IL1RAPL1: variants seen among roughly 807,000 people sequenced by gnomAD.
IL1RAPL1 encodes the protein interleukin-1 receptor accessory protein-like 1.
Under a neutral mutation model 48.4 loss-of-function variants are expected in IL1RAPL1, and 3 were observed. The observed-to-expected ratio is 0.06, with a 90% CI of 0.03 to 0.16. IL1RAPL1 has a LOEUF of 0.16. IL1RAPL1 is among the 10% of genes least tolerant of loss of function. The pLI, the probability that IL1RAPL1 is intolerant of heterozygous loss-of-function variation, is 1.00. For missense variants in IL1RAPL1, 349 were observed against 530.6 expected (o/e 0.66, Z 3.36); for synonymous variants, 185 against 187.7 (o/e 0.99, Z 0.12).
chrX:29,271,256 G>C (rs1055577718), intron 2 of IL1RAPL1, among the ~76,000 whole-genome samples: 1 of 111,895 alleles, frequency 8.9e-6, no homozygotes, highest in African/African-American at 3.2e-5. Context: ...TCTTTATCCA[G>C]TCTACCATTG....
rs771534127 is a variant in IL1RAPL1 at position 28,776,518 on chromosome X, A to T, written c.-24-12802A>T. Reference sequence around the variant, plus strand: ...ACTTAGAATTTCAGTCCATGCAGAGACTTTGCAAGCCCACAGTTTCCAGAG... The same window carrying T: ...ACTTAGAATTTCAGTCCATGCAGAGTCTTTGCAAGCCCACAGTTTCCAGAG... On this transcript the variant is annotated intron_variant, in intron 1 of 10. Coordinates refer to ENST00000378993, the MANE Select transcript of IL1RAPL1 (RefSeq NM_014271.4). Among the ~76,000 whole-genome samples the T allele has an allele frequency of 2.0e-3, 222 of 112,103 alleles. 3 individuals carry two copies. The highest frequency in any genetic ancestry group is 6.4e-3 in the African/African-American group (199 of 30,930).
In IL1RAPL1 at chrX:29,490,573, C is replaced by T. The variant is rs759054981; in HGVS notation, c.703+91265C>T. ...AAGATAATTTGACAAAAATGGAAGT[C>T]GCTCACCAAATACTTTGAATAATGT... On this transcript the variant is annotated intron_variant, in intron 5 of 10. Transcript: ENST00000378993. 2.7e-5 allele frequency among the ~76,000 whole-genome samples: 3 copies of T among 111,155 alleles called. No homozygotes were observed. The South Asian group carries it at 1.1e-3, about 42-fold the overall frequency.
At chrX:29,241,980 C>T (rs1207995712) in intron 2 of IL1RAPL1, among the ~76,000 whole-genome samples, 1 of 111,635 alleles carries the variant, frequency 9.0e-6, no homozygotes, top group African/African-American at 3.3e-5. Context: ...CCAACACCCA[C>T]ATTTAACTGA....
At chrX:29,430,632 A>G (rs1043898908) in intron 5 of IL1RAPL1, among the ~76,000 whole-genome samples, 8 of 109,626 alleles carry the variant, frequency 7.3e-5, no homozygotes, top group Non-Finnish European at 5.7e-5. Flanking sequence ...TATGTTATGT[A>G]TATAAGGTTG....
intron 6 of IL1RAPL1, among the ~76,000 whole-genome samples, chrX:29,743,225 A>T (rs779223758): frequency 2.7e-4 from 29 of 107,782 alleles, no homozygotes; most frequent in Middle Eastern, 4.7e-3. Flanking sequence ...TCTTATAATT[A>T]AAATTTTTAC....
At chrX:28,987,206 C>G (rs1305684494) in intron 2 of IL1RAPL1, among the ~76,000 whole-genome samples, 1 of 112,097 alleles carries the variant, frequency 8.9e-6, no homozygotes, top group Non-Finnish European at 1.9e-5. Flanking sequence ...ACAGCAAAGT[C>G]AATTTAACAG....
intron 1 of IL1RAPL1, among the ~76,000 whole-genome samples, chrX:28,682,482 T>A (rs1935073057): frequency 9.0e-6 from 1 of 110,634 alleles, no homozygotes; most frequent in Non-Finnish European, 1.9e-5. Context: ...CTAATTTTTT[T>A]ATATTTTTGG....
At chrX:28,618,852 T>A (rs1273756539) in intron 1 of IL1RAPL1, among the ~76,000 whole-genome samples, 3 of 111,599 alleles carry the variant, frequency 2.7e-5, no homozygotes, top group Non-Finnish European at 5.6e-5. Context: ...CTGAAGATAG[T>A]TTGAGATAAT....
chrX:29,009,167 A>C (rs915384246), intron 2 of IL1RAPL1, among the ~76,000 whole-genome samples: 4 of 111,846 alleles, frequency 3.6e-5, no homozygotes, highest in Non-Finnish European at 7.5e-5. Context: ...AGACAAAAAG[A>C]TGGGAACAAT....
At chrX:28,693,337 C>A (rs1010565933) in intron 1 of IL1RAPL1, among the ~76,000 whole-genome samples, 1 of 112,372 alleles carries the variant, frequency 8.9e-6, no homozygotes, top group Non-Finnish European at 1.9e-5. Context: ...CTTCACAAGG[C>A]AGCTCTGCCA....
chrX:29,429,316 C>T (rs1308110817), intron 5 of IL1RAPL1, among the ~76,000 whole-genome samples: 1 of 111,968 alleles, frequency 8.9e-6, no homozygotes, highest in African/African-American at 3.2e-5. Context: ...TTATATTAGG[C>T]CCCGAATTAA....
In IL1RAPL1 at chrX:28,730,489, T is replaced by C. The variant is rs1301263434; in HGVS notation, c.-24-58831T>C. 2.7e-5 allele frequency among the ~76,000 whole-genome samples: 3 copies of C among 111,844 alleles called. No homozygotes were observed. The Admixed American group carries it at 2.9e-4, about 11-fold the overall frequency. Reference sequence around the variant, plus strand: ...AAAATTATCTAACATAGAATGAACATATTTATTCAATAAATGTATGCTGAA... The same window carrying C: ...AAAATTATCTAACATAGAATGAACACATTTATTCAATAAATGTATGCTGAA... On this transcript the variant is annotated intron_variant, in intron 1 of 10. Coordinates refer to ENST00000378993, the MANE Select transcript of IL1RAPL1 (RefSeq NM_014271.4).
chrX:29,357,089 T>C lies in IL1RAPL1; in HGVS notation c.363-39169T>C, dbSNP rs953232328. Among the ~76,000 whole-genome samples, 13 of 112,427 alleles carry C rather than the reference T, an allele frequency of 1.2e-4. No individual in the cohort carries two copies. In the Admixed American group the frequency reaches 1.2e-3, roughly 11 times the overall value. On this transcript the variant is annotated intron_variant, in intron 3 of 10. Coordinates refer to ENST00000378993, the MANE Select transcript of IL1RAPL1 (RefSeq NM_014271.4). ...AATTTGCTAGTTATGGTGTATGTAT[T>C]GTAAAATAATAAACTTATTTCCTTA...
At chrX:29,786,704 T>G (rs1339311141) in intron 6 of IL1RAPL1, among the ~76,000 whole-genome samples, 1 of 111,592 alleles carries the variant, frequency 9.0e-6, no homozygotes, top group Admixed American at 9.6e-5. Flanking sequence ...AGGGAGTTAT[T>G]GCAATGTGCT....
intron 2 of IL1RAPL1, among the ~76,000 whole-genome samples, chrX:29,153,997 C>T (rs190687866): frequency 1.7e-3 from 186 of 112,050 alleles, no homozygotes; most frequent in African/African-American, 5.7e-3. Flanking sequence ...GCTTTTCTTG[C>T]GAAGTGGCTG....
chrX:29,310,512 T>A (rs1454059250), intron 3 of IL1RAPL1, among the ~76,000 whole-genome samples: 1 of 111,415 alleles, frequency 9.0e-6, no homozygotes, highest in South Asian at 3.8e-4. Flanking sequence ...ATAGAAATAA[T>A]TGTCTTTGGA....
chrX:28,730,936 T>G (rs1935747301), intron 1 of IL1RAPL1, among the ~76,000 whole-genome samples: 1 of 111,788 alleles, frequency 8.9e-6, no homozygotes, highest in Non-Finnish European at 1.9e-5. Flanking sequence ...TAAGTGTAAT[T>G]GATCTTAGGG....
chrX:28,883,864 A>G (rs1207813353), intron 2 of IL1RAPL1, among the ~76,000 whole-genome samples: 1 of 112,282 alleles, frequency 8.9e-6, no homozygotes, highest in East Asian at 2.8e-4. Context: ...TGCTTTTCAA[A>G]TGATAATTCT....
intron 5 of IL1RAPL1, among the ~76,000 whole-genome samples, chrX:29,439,989 A>C (rs1934527782): frequency 5.5e-5 from 1 of 18,238 alleles, no homozygotes; most frequent in Non-Finnish European, 8.9e-5. Context: ...TCAATTTGAC[A>C]CGTGTGTGTG....
Sources: gnomAD v4.1 joint callset for allele counts (sites outside exome capture counted in the v4.1 genomes callset) on GRCh38, gnomAD v4.1.1 for gene constraint, MANE v1.5 for transcripts, NCBI Gene and HGNC (gene_info 2026-07-23, HGNC 2026-07-21) for gene names.